EFCAB6: variants seen among roughly 807,000 people sequenced by gnomAD.
EFCAB6 encodes the protein EF-hand calcium binding domain 6.
In EFCAB6, 156 loss-of-function variants were observed where a neutral mutation model predicts 169.8. That is an observed-to-expected ratio of 0.92 (90% confidence interval 0.81 to 1.05). The LOEUF (loss-of-function observed/expected upper bound fraction) is 1.05, where lower values mean the gene tolerates loss of function less well. EFCAB6 is among the 50% of genes least tolerant of loss of function. The probability of loss-of-function intolerance (pLI) is 0.00; values close to 1 mark genes in which losing one functional copy is unlikely to be tolerated. For missense variants in EFCAB6, 1,800 were observed against 1,829.1 expected (o/e 0.98, Z 0.29); for synonymous variants, 698 against 676.4 (o/e 1.03, Z -0.50).
chr22:43,590,742 CAAAAAA>C (rs553431883), intron 23 of EFCAB6, among the ~76,000 whole-genome samples: 2 of 80,094 alleles, frequency 2.5e-5, no homozygotes, highest in Admixed American at 1.3e-4. Flanking sequence ...GTTTGAAGGC[CAAAAAA>C]AAAAAAAAAA....
At chr22:43,722,198 T>C (rs79298097) in intron 8 of EFCAB6, among the ~76,000 whole-genome samples, 15,902 of 152,040 alleles carry the variant, frequency 0.1, 877 homozygotes, top group East Asian at 0.2. Flanking sequence ...CACAAGGAGA[T>C]ACCATCTTAC....
chr22:43,801,652 A>C (rs1004948391), intron 2 of EFCAB6, among the ~76,000 whole-genome samples: 1 of 152,154 alleles, frequency 6.6e-6, no homozygotes, highest in Admixed American at 6.5e-5. Context: ...CTGACCTAAG[A>C]TGAGCTGTCA....
At chr22:43,529,018 C>T (rs978357522) in intron 31 of EFCAB6, 43 bp from the exon 32 acceptor site, 2 of 1,526,084 alleles carry the variant, frequency 1.3e-6, no homozygotes, top group Non-Finnish European at 1.8e-6. Context: ...TGTTTGGTGC[C>T]CTAGGTTAAG....
At chr22:43,783,399 G>C (rs1422283956) in intron 2 of EFCAB6, among the ~76,000 whole-genome samples, 2 of 152,136 alleles carry the variant, frequency 1.3e-5, no homozygotes, top group African/African-American at 4.8e-5. Flanking sequence ...TGTGTGCTCA[G>C]GAAAGACCTG....
chr22:43,749,476 G>A (rs558287777), intron 6 of EFCAB6, among the ~76,000 whole-genome samples: 44 of 152,174 alleles, frequency 2.9e-4, no homozygotes, highest in Admixed American at 5.2e-4. Context: ...GTATGGTTTC[G>A]GGATGAAACT....
chr22:43,694,495 T>C (rs969959839), intron 10 of EFCAB6, among the ~76,000 whole-genome samples: 57 of 152,092 alleles, frequency 3.7e-4, no homozygotes, highest in Middle Eastern at 3.4e-3. Context: ...ACAAAGATTT[T>C]ACAAGAAAAG....
chr22:43,671,596 G>T (rs2057495802), intron 15 of EFCAB6, among the ~76,000 whole-genome samples: 1 of 152,140 alleles, frequency 6.6e-6, no homozygotes, highest in African/African-American at 2.4e-5. Flanking sequence ...TTACTAAAAA[G>T]CAAAGGAGAG....
At chr22:43,595,903 T>C (rs1296163198) in intron 23 of EFCAB6, among the ~76,000 whole-genome samples, 1 of 152,076 alleles carries the variant, frequency 6.6e-6, no homozygotes, top group Admixed American at 6.5e-5. Flanking sequence ...TTCACCATGA[T>C]CAAGTGGAAT....
intron 15 of EFCAB6, among the ~76,000 whole-genome samples, chr22:43,670,453 G>A (rs567547268): frequency 6.6e-6 from 1 of 152,298 alleles, no homozygotes; most frequent in Admixed American, 6.5e-5. Flanking sequence ...CTGCTGTAAT[G>A]ATCAAGTGGG....
At chr22:43,761,990 T>C (rs977238456) in intron 5 of EFCAB6, among the ~76,000 whole-genome samples, 2 of 152,236 alleles carry the variant, frequency 1.3e-5, no homozygotes, top group Non-Finnish European at 2.9e-5. Flanking sequence ...TGTGATCTGA[T>C]GTTACTTGGC....
intron 10 of EFCAB6, among the ~76,000 whole-genome samples, chr22:43,703,692 G>A (rs964818212): frequency 7.3e-5 from 11 of 150,950 alleles, no homozygotes; most frequent in African/African-American, 2.7e-4. Flanking sequence ...AAATCCTAGA[G>A]ATGAAGAATA....
chr22:43,811,534 GATGTATACCTCACAA>G (rs759019853), intron 1 of EFCAB6, among the ~76,000 whole-genome samples: 3 of 152,232 alleles, frequency 2.0e-5, no homozygotes, highest in Non-Finnish European at 4.4e-5. Context: ...GCCCTATACA[GATGTATACCTCACAA>G]AGTGCTTCCA....
At chr22:43,742,296 TG>T (rs1210213112) in intron 6 of EFCAB6, among the ~76,000 whole-genome samples, 2 of 152,248 alleles carry the variant, frequency 1.3e-5, no homozygotes, top group Non-Finnish European at 2.9e-5. Flanking sequence ...TAAATTGTAT[TG>T]GCACACAGCC....
intron 17 of EFCAB6, among the ~76,000 whole-genome samples, chr22:43,645,923 G>C (rs887178824): frequency 6.6e-6 from 1 of 152,074 alleles, no homozygotes; most frequent in Non-Finnish European, 1.5e-5. Flanking sequence ...ATGTCAAGGG[G>C]AATTCCAGGC....
intron 28 of EFCAB6, among the ~76,000 whole-genome samples, chr22:43,539,498 C>T (rs766739635): frequency 4.6e-5 from 7 of 152,194 alleles, no homozygotes; most frequent in Non-Finnish European, 7.3e-5. Flanking sequence ...GTGATGGTGG[C>T]TTCATGTGCA....
At chr22:43,560,719 T>A (rs775360118) in intron 26 of EFCAB6, among the ~76,000 whole-genome samples, 4 of 152,186 alleles carry the variant, frequency 2.6e-5, no homozygotes, top group Non-Finnish European at 4.4e-5. Flanking sequence ...TCAACAAGCA[T>A]GGACGTGAAG....
At chr22:43,655,263 A>G (rs111834946) in intron 17 of EFCAB6, among the ~76,000 whole-genome samples, 2,880 of 152,290 alleles carry the variant, frequency 0.019, 94 homozygotes, top group African/African-American at 0.066. Flanking sequence ...TCTCAAAAGT[A>G]AATAAATAAA....
intron 17 of EFCAB6, among the ~76,000 whole-genome samples, chr22:43,663,880 C>A (rs774727528): frequency 6.6e-6 from 1 of 152,206 alleles, no homozygotes; most frequent in African/African-American, 2.4e-5. Context: ...GACTTCCAGC[C>A]TCCGGAATTG....
At chr22:43,573,893 A>G (rs1190382700) in intron 26 of EFCAB6, among the ~76,000 whole-genome samples, 2 of 152,222 alleles carry the variant, frequency 1.3e-5, no homozygotes, top group Non-Finnish European at 2.9e-5. Context: ...AGCTTAAATC[A>G]TATGAAATTG....
Sources: gnomAD v4.1 joint callset for allele counts (sites outside exome capture counted in the v4.1 genomes callset) on GRCh38, gnomAD v4.1.1 for gene constraint, MANE v1.5 for transcripts, NCBI Gene and HGNC (gene_info 2026-07-23, HGNC 2026-07-21) for gene names.